The following COL4A5 variants were observed in gnomAD, a reference collection of about 807,000 sequenced individuals.
COL4A5 encodes the protein collagen alpha-5(IV) chain.
In COL4A5, 26 loss-of-function variants were observed where a neutral mutation model predicts 130.2. The ratio of observed to expected loss-of-function variants is 0.20; its 90% CI spans 0.15 to 0.28. The LOEUF is 0.28. Among genes scored for constraint, COL4A5 ranks in the 10% least tolerant of loss-of-function variants. COL4A5 has a pLI of 1.00. For synonymous variants in COL4A5, 496 were observed against 439.6 expected (o/e 1.13, Z -1.60); for missense variants, 1,131 against 1,344.3 (o/e 0.84, Z 2.48).
intron 17 of COL4A5, 42 bp downstream of exon 17, chrX:108,582,979 TA>T (rs762791929): frequency 9.7e-7 from 1 of 1,028,696 alleles, no homozygotes; most frequent in Non-Finnish European, 1.4e-6. Context: ...TTAGTCTAGC[TA>T]AAATAATCCT....
intron 29 of COL4A5, among the ~76,000 whole-genome samples, chrX:108,613,581 A>G (rs1181568415): frequency 8.9e-6 from 1 of 112,307 alleles, no homozygotes; most frequent in Non-Finnish European, 1.9e-5. Context: ...ATAAGAAAAC[A>G]AACAACCAAC....
Position 108,581,010 on chromosome X carries a change from G to T in COL4A5, c.919G>T (p.Gly307Cys). Residue 307 changes from glycine (G) to cysteine (C), a missense_variant, in exon 16 of 53, where the codon GGC becomes TGC. Physicochemically the swap from Gly to Cys is radical, Grantham distance 159. Transcript: ENST00000328300. ...RGKPGKDGEN[G>C]QPGIPGLPGD... ...TAAACCAGGCAAAGATGGAGAAAAT[G>T]GCCAACCAGGAATTCCTGTAAGTAG... 1 of 1,208,645 alleles carries T rather than the reference G, an allele frequency of 8.3e-7. No homozygotes were observed. Among genetic ancestry groups the T allele is most frequent in the Non-Finnish European group, 1.1e-6 (1 of 893,073 alleles).
At chrX:108,628,047 C>A (rs1569499395) in intron 36 of COL4A5, among the ~76,000 whole-genome samples, 1 of 110,570 alleles carries the variant, frequency 9.0e-6, no homozygotes. Flanking sequence ...CTGCTCTGTA[C>A]CTAGCTGTCA....
chrX:108,452,039 A>G (rs1222968218), intron 1 of COL4A5, among the ~76,000 whole-genome samples: 1 of 112,139 alleles, frequency 8.9e-6, no homozygotes, highest in East Asian at 2.8e-4. Flanking sequence ...AGCTTTCTAC[A>G]TATAGCCAGC....
intron 19 of COL4A5, among the ~76,000 whole-genome samples, 195 bp from the exon 20 acceptor site, chrX:108,590,863 T>C (rs755458201): frequency 1.8e-5 from 2 of 112,185 alleles, no homozygotes; most frequent in Non-Finnish European, 3.8e-5. Flanking sequence ...AATTATTATT[T>C]CCTACCCTCA....
chrX:108,517,632 T>C (rs2065231366), intron 1 of COL4A5, among the ~76,000 whole-genome samples: 1 of 111,464 alleles, frequency 9.0e-6, no homozygotes, highest in Non-Finnish European at 1.9e-5. Context: ...CATGTAGAGC[T>C]GAAGACTGGA....
chrX:108,507,186 T>C (rs2065132733), intron 1 of COL4A5, among the ~76,000 whole-genome samples: 1 of 98,478 alleles, frequency 1.0e-5, no homozygotes, highest in Non-Finnish European at 2.0e-5. Flanking sequence ...CCTTCCCAAC[T>C]CATTCTATGA....
In COL4A5 at chrX:108,602,923, C is replaced by G. The variant is rs374836108; in HGVS notation, c.2147-41C>G. On this transcript the variant is annotated intron_variant, in intron 27 of 52. Coordinates refer to ENST00000328300, the MANE Select transcript of COL4A5 (RefSeq NM_033380.3). ...GAATTTGAATATCTTTCTTAAAGTG[C>G]CTTTCCTTTGGTGGTTAAAAAATGA... is the stretch of plus-strand genomic sequence containing the variant. 58 of 936,163 alleles carry G rather than the reference C, an allele frequency of 6.2e-5. No individual in the cohort carries two copies. In the African/African-American group the frequency reaches 8.4e-4, roughly 14 times the overall value. 77.2% of individuals were successfully genotyped at this position (936,163 alleles called of 1,213,427 possible). A position where few individuals can be genotyped will look rare whatever the true frequency, so the allele number is the denominator to read the frequency against.
chrX:108,502,473 C>T (rs1377235707), intron 1 of COL4A5, among the ~76,000 whole-genome samples: 2 of 109,378 alleles, frequency 1.8e-5, no homozygotes, highest in African/African-American at 3.3e-5. Flanking sequence ...TTAGTAGAGA[C>T]GGGGTTTTTC....
At chrX:108,563,999 A>G (rs2065935832) in intron 4 of COL4A5, 73 bp downstream of exon 4, 1 of 952,556 alleles carries the variant, frequency 1.0e-6, no homozygotes, top group East Asian at 3.1e-5. Flanking sequence ...GTATTATGAG[A>G]CAATTGGAAA....
chrX:108,589,890 G>T (rs192151878), intron 19 of COL4A5, among the ~76,000 whole-genome samples: 4 of 110,882 alleles, frequency 3.6e-5, no homozygotes, highest in African/African-American at 1.3e-4. Flanking sequence ...TCTGGCAAAG[G>T]ACTAATATCC....
rs1207503562 is a variant in COL4A5, at chrX:108,620,344, A to G, written c.2595A>G (p.Pro865=). 1 of 1,206,849 alleles carries G rather than the reference A, an allele frequency of 8.3e-7. No homozygotes were observed. Among genetic ancestry groups the G allele is most frequent in the African/African-American group, 1.8e-5 (1 of 57,028 alleles). The change falls in exon 31 of 53, where the codon CCA becomes CCG. Residue 865 remains proline, a synonymous_variant. Coordinates refer to ENST00000328300, the MANE Select transcript of COL4A5 (RefSeq NM_033380.3). ...GACCCCCAGGTGAAAGAGGCAGTCC[A>G]GGGATCCCCGGAGCACCTGGTCCTA... ...VPGPPGERGS[P]GIPGAPGPIG...
chrX:108,452,139 T>G (rs375092818), intron 1 of COL4A5, among the ~76,000 whole-genome samples: 1 of 111,464 alleles, frequency 9.0e-6, no homozygotes, highest in South Asian at 3.8e-4. Context: ...AGTTGTAGAT[T>G]TGTGGCGTTA....
In COL4A5 at chrX:108,665,575, C is replaced by T; in HGVS notation, c.3442C>T (p.Pro1148Ser). The T allele has an allele frequency of 8.4e-7, 1 of 1,196,453 alleles. No homozygotes were observed. The highest frequency in any genetic ancestry group is 1.1e-6 in the Non-Finnish European group (1 of 882,312). ...TGGGAACCCCGGCCTTCCAGGAGAA[C>T]CTGGTCCTGTAGGTAAGCATGAAAA... ...PPGNPGLPGE[P>S]GPVGGGGHPG... The change falls in exon 38 of 53, where the codon CCT (proline) becomes TCT (serine). Residue 1148 changes from proline (P) to serine (S), a missense_variant. By Grantham distance (74) the Pro-to-Ser change is moderately conservative (BLOSUM62 -1). Coordinates refer to ENST00000328300, the MANE Select transcript of COL4A5 (RefSeq NM_033380.3).
At chrX:108,571,508 A>C (rs758243481) in intron 7 of COL4A5, 42 bp downstream of exon 7, 6 of 1,000,891 alleles carry the variant, frequency 6.0e-6, no homozygotes, top group African/African-American at 1.9e-5. Flanking sequence ...ACAGGAATTA[A>C]CAAAAGAAGC....
Position 108,625,184 on chromosome X carries a change from A to G in COL4A5, c.3017-521A>G, listed in dbSNP as rs769225424. Among the ~76,000 whole-genome samples, 14 of 112,564 alleles carry G rather than the reference A, an allele frequency of 1.2e-4. No homozygotes were observed. The South Asian group carries it at 5.1e-3, about 41-fold the overall frequency. ...CCTATGTGCTAGGAAAAATGTACAAACAGAGCAGCCATGCCTGTTCAGGTC... is the reference window on the plus strand; with the variant it reads ...CCTATGTGCTAGGAAAAATGTACAAGCAGAGCAGCCATGCCTGTTCAGGTC... On this transcript the variant is annotated intron_variant, in intron 34 of 52. Transcript: ENST00000328300.
At chrX:108,690,292 T>G (rs934795978) in intron 49 of COL4A5, among the ~76,000 whole-genome samples, 1 of 112,097 alleles carries the variant, frequency 8.9e-6, no homozygotes, top group Non-Finnish European at 1.9e-5. Context: ...TGTTCACTCT[T>G]ACATGACTGT....
At chrX:108,576,098 A>C in intron 10 of COL4A5, 126 bp downstream of exon 10, 1 of 493,193 alleles carries the variant, frequency 2.0e-6, no homozygotes, top group Non-Finnish European at 3.5e-6. Context: ...TAATTTTCTT[A>C]TGTAAAGGTG....
chrX:108,527,946 G>A (rs1202290831), intron 1 of COL4A5, among the ~76,000 whole-genome samples: 2 of 111,658 alleles, frequency 1.8e-5, no homozygotes, highest in African/African-American at 6.5e-5. Flanking sequence ...ACAATTGTCC[G>A]TCCACTGCTA....
Sources: gnomAD v4.1 joint callset for allele counts (sites outside exome capture counted in the v4.1 genomes callset) on GRCh38, gnomAD v4.1.1 for gene constraint, MANE v1.5 for transcripts, NCBI Gene and HGNC (gene_info 2026-07-23, HGNC 2026-07-21) for gene names.